The following CRHR1 variants were observed in gnomAD, a reference collection of about 807,000 sequenced individuals.
CRHR1 encodes the protein corticotropin releasing hormone receptor 1.
In CRHR1, 28 loss-of-function variants were observed where a neutral mutation model predicts 56.0. The observed-to-expected ratio is 0.50, with a 90% CI of 0.37 to 0.69. CRHR1 has a LOEUF of 0.69. Among genes scored for constraint, CRHR1 ranks in the 30% least tolerant of loss-of-function variants. The pLI, the probability that CRHR1 is intolerant of heterozygous loss-of-function variation, is 0.00. For synonymous variants in CRHR1, 195 were observed against 216.5 expected, an observed-to-expected ratio of 0.90 and a Z score of 0.87; for missense variants, 376 against 548.0, an observed-to-expected ratio of 0.69 and a Z score of 3.13.
At chr17:45,804,807 C>T (rs547195437) in intron 1 of CRHR1, among the ~76,000 whole-genome samples, 4 of 106,122 alleles carry the variant, frequency 3.8e-5, no homozygotes, top group Admixed American at 3.5e-4. Flanking sequence ...CCTCAGTAAT[C>T]GCAATAGATA....
At chr17:45,816,700 C>T (rs912752704) in intron 3 of CRHR1, 118 bp downstream of exon 3, 22 of 1,488,468 alleles carry the variant, frequency 1.5e-5, no homozygotes, top group Admixed American at 8.1e-5. Flanking sequence ...TTGTGGGGAT[C>T]GCCCCTGTTT....
intron 1 of CRHR1, chr17:45,800,488 C>G (rs1316598300): frequency 6.6e-6 from 1 of 152,220 alleles, no homozygotes; most frequent in Non-Finnish European, 1.5e-5. Context: ...CCTGCCGATG[C>G]TTGTAGGGAC....
intron 1 of CRHR1, among the ~76,000 whole-genome samples, chr17:45,805,082 G>A (rs552854949): frequency 2.6e-5 from 4 of 152,116 alleles, no homozygotes; most frequent in East Asian, 3.9e-4. Flanking sequence ...GGGATTACAG[G>A]CATGAGCCAC....
Position 45,830,957 on chromosome 17 carries a change from C to T in CRHR1, c.770+17C>T, listed in dbSNP as rs755031165. On this transcript the variant is annotated intron_variant, in intron 8 of 12. Coordinates refer to ENST00000314537, the MANE Select transcript of CRHR1 (RefSeq NM_004382.5). The stretch of plus-strand genomic sequence containing the variant: ...CAATGAGAAGTAAGTCATCTCCTTT[C>T]CCTTCCTGACCCCAAGGTTTAGGCT... 2 of 1,612,876 alleles carry T rather than the reference C, an allele frequency of 1.2e-6. No homozygotes were observed. The highest frequency in any genetic ancestry group is 1.7e-6 in the Non-Finnish European group (2 of 1,179,212).
chr17:45,820,790 C>T (rs757085441), intron 3 of CRHR1, among the ~76,000 whole-genome samples: 5 of 152,178 alleles, frequency 3.3e-5, no homozygotes, highest in Non-Finnish European at 7.4e-5. Flanking sequence ...AGATCTGCCC[C>T]ATGAACTCTG....
intron 2 of CRHR1, among the ~76,000 whole-genome samples, chr17:45,810,158 G>A (rs185871569): frequency 6.6e-5 from 10 of 152,126 alleles, no homozygotes; most frequent in South Asian, 2.1e-4. Flanking sequence ...GGTGGTGGGC[G>A]CCTATAATCC....
rs376502741 is a variant in CRHR1, at chr17:45,790,618, G to A, written c.33+6041G>A. Among the ~76,000 whole-genome samples, 36 of 152,320 alleles carry A rather than the reference G, an allele frequency of 2.4e-4. No individual in the cohort carries two copies. The East Asian group carries it at 4.2e-3, about 18-fold the overall frequency. ...GTTGGGCCCAGAGAGAAGCCTCAGCGAGGTGCTTTGAGATGGGATTTGTGG... is the reference window on the plus strand; with the variant it reads ...GTTGGGCCCAGAGAGAAGCCTCAGCAAGGTGCTTTGAGATGGGATTTGTGG... On this transcript the variant is annotated intron_variant, in intron 1 of 12. Transcript: ENST00000314537.
At chr17:45,815,892 C>T (rs965521931) in intron 2 of CRHR1, among the ~76,000 whole-genome samples, 10 of 152,134 alleles carry the variant, frequency 6.6e-5, no homozygotes, top group African/African-American at 2.4e-4. Context: ...ACAAAGTACA[C>T]GTGACGTATG....
rs1382918072 is a variant in CRHR1, at chr17:45,784,483, C to G, written c.-62C>G. 4 of 1,457,710 alleles carry G rather than the reference C, an allele frequency of 2.7e-6. No homozygotes were observed. Among genetic ancestry groups the G allele is most frequent in the Non-Finnish European group, 1.8e-6 (2 of 1,095,538 alleles). The allele number at this position is 1,457,710 out of a possible 1,614,324, so 90.3% of individuals were successfully genotyped here. On this transcript the variant is annotated 5_prime_UTR_variant, in exon 1 of 13. Transcript: ENST00000314537. The surrounding 1 kb of genome is among the most constrained non-coding windows in gnomAD (Gnocchi z 4.2). ...GCCGCCCGAGCCCGCAGCCGCCCGCCGGTCCCTCTGGGATGTCCGTAGGAC... is the reference window on the plus strand; with the variant it reads ...GCCGCCCGAGCCCGCAGCCGCCCGCGGGTCCCTCTGGGATGTCCGTAGGAC...
Position 45,830,929 on chromosome 17 carries a change from C to A in CRHR1, c.759C>A (p.Tyr253Ter), listed in dbSNP as rs756494884. 6.2e-7 allele frequency: 1 copy of A among 1,613,862 alleles called. No homozygotes were observed. Among genetic ancestry groups the A allele is most frequent in the Admixed American group, 1.7e-5 (1 of 60,016 alleles). ...CCTGGGCCATTGGGAAGCTGTACTA[C>A]GACAATGAGAAGTAAGTCATCTCCT... is the stretch of plus-strand genomic sequence containing the variant. ...IVAWAIGKLY[Y>*]DNEKCWFGKR... is the part of the protein sequence containing the mutation. The change falls in exon 8 of 13, where the codon TAC (tyrosine) becomes TAA (stop). Residue 253 changes from tyrosine (Y) to a stop codon, truncating the protein, a stop_gained. Transcript: ENST00000314537. LOFTEE classifies it high-confidence loss of function.
rs761827423 is a variant in CRHR1, at chr17:45,816,551, C to T, written c.210C>T (p.Ala70=). ...AGQLVVRPCP[A]FFYGVRYNTT... ...AGCTAGTGGTTCGGCCCTGCCCTGC[C>T]TTTTTCTATGGTGTCCGCTACAATA... Residue 70 remains alanine, a synonymous_variant, in exon 3 of 13, where the codon GCC becomes GCT. Coordinates refer to ENST00000314537, the MANE Select transcript of CRHR1 (RefSeq NM_004382.5). The T allele has an allele frequency of 5.8e-5, 93 of 1,614,018 alleles. No individual in the cohort carries two copies. In the Middle Eastern group the frequency reaches 2.3e-3, roughly 40 times the overall value.
chr17:45,793,640 A>T (rs2061466741), intron 1 of CRHR1, among the ~76,000 whole-genome samples: 2 of 151,854 alleles, frequency 1.3e-5, no homozygotes, highest in South Asian at 4.2e-4. Flanking sequence ...TTCTCTCCTG[A>T]TGGCTGGGGC....
intron 1 of CRHR1, among the ~76,000 whole-genome samples, chr17:45,803,398 T>G (rs1333563077): frequency 1.3e-5 from 2 of 152,222 alleles, no homozygotes; most frequent in African/African-American, 4.8e-5. Context: ...ATTTATTTAT[T>G]TATTTTGAGA....
In CRHR1 at chr17:45,793,665, G is replaced by A. The variant is rs183869541; in HGVS notation, c.33+9088G>A. On this transcript the variant is annotated intron_variant, in intron 1 of 12. Coordinates refer to ENST00000314537, the MANE Select transcript of CRHR1 (RefSeq NM_004382.5). ...ATGGCTGGGGCCTCATGGCCTGACT[G>A]TGGAAGCTGCTGCAAGGCTGTGAAA... Among the ~76,000 whole-genome samples the A allele has an allele frequency of 2.7e-3, 406 of 152,310 alleles. 3 individuals carry two copies. The highest frequency in any genetic ancestry group is 9.1e-3 in the African/African-American group (379 of 41,562).
chr17:45,833,469 T>G lies in CRHR1; in HGVS notation c.861T>G (p.Leu287=), dbSNP rs1047583631. ...AATTGCAGATCAATTTCATCTTCCT[T>G]TTCAACATCGTCCGCATCCTCATGA... ...ILVLLINFIF[L]FNIVRILMTK... The change falls in exon 10 of 13, where the codon CTT becomes CTG. Residue 287 remains leucine (L), a synonymous_variant. Coordinates refer to ENST00000314537, the MANE Select transcript of CRHR1 (RefSeq NM_004382.5). 2.5e-6 allele frequency: 4 copies of G among 1,614,004 alleles called. No individual in the cohort carries two copies. The highest frequency in any genetic ancestry group is 3.4e-6 in the Non-Finnish European group (4 of 1,179,994).
chr17:45,807,156 A>C, intron 2 of CRHR1, 59 bp downstream of exon 2: 1 of 1,471,754 alleles, frequency 6.8e-7, no homozygotes, highest in South Asian at 1.2e-5. Context: ...CCCCTACCCC[A>C]GGTATCCCAG....
chr17:45,818,010 C>T (rs1178438806), intron 3 of CRHR1, among the ~76,000 whole-genome samples: 1 of 152,196 alleles, frequency 6.6e-6, no homozygotes, highest in Non-Finnish European at 1.5e-5. Context: ...ATAACTCTCA[C>T]GATGCTGGGG....
chr17:45,803,757 C>CGTGTGT (rs553066030), intron 1 of CRHR1, among the ~76,000 whole-genome samples: 13,191 of 129,492 alleles, frequency 0.1, 603 homozygotes, highest in Non-Finnish European at 0.11. Context: ...AGAGAGAGTG[C>CGTGTGT]GTGTGTGTGT....
At chr17:45,830,800 C>G in intron 7 of CRHR1, 80 bp from the exon 8 acceptor site, 1 of 1,435,396 alleles carries the variant, frequency 7.0e-7, no homozygotes. Flanking sequence ...CCCCCTGGAG[C>G]CTGGGCTGCA....
Sources: allele counts gnomAD v4.1 joint callset (sites outside exome capture counted in the v4.1 genomes callset), GRCh38; gene constraint gnomAD v4.1.1; non-coding constraint Gnocchi (gnomAD v3.1); transcripts MANE v1.5; gene names NCBI Gene and HGNC (gene_info 2026-07-23, HGNC 2026-07-21).